Variants in CSTPP1 observed in about 807,000 individuals in gnomAD.
CSTPP1 encodes centriolar satellite-associated tubulin polyglutamylase complex regulator 1.
At chr11:47,153,988 G>C in the CSTPP1 span, among the ~76,000 whole-genome samples, 1 of 151,724 alleles carries the variant, frequency 6.6e-6, no homozygotes, top group Non-Finnish European at 1.5e-5. Flanking sequence ...CTCACGGGCT[G>C]GAGTGCAGTG....
At chr11:47,014,638 G>C in the CSTPP1 span, among the ~76,000 whole-genome samples, 2 of 151,976 alleles carry the variant, frequency 1.3e-5, no homozygotes, top group South Asian at 4.2e-4. Context: ...CCGGGAGGCA[G>C]AGGTTGTGGT....
At chr11:47,115,780 T>C in the CSTPP1 span, among the ~76,000 whole-genome samples, 1 of 152,028 alleles carries the variant, frequency 6.6e-6, no homozygotes, top group Non-Finnish European at 1.5e-5. Context: ...CCTGGATTCA[T>C]TGATTTTTTT....
At chr11:46,968,725 C>T in the CSTPP1 span, among the ~76,000 whole-genome samples, 1 of 151,574 alleles carries the variant, frequency 6.6e-6, no homozygotes. Context: ...ATGGTGACAC[C>T]CCGTCTCTAC....
At chr11:47,097,080 G>A in the CSTPP1 span, among the ~76,000 whole-genome samples, 7 of 143,988 alleles carry the variant, frequency 4.9e-5, no homozygotes, top group Non-Finnish European at 7.8e-5. Context: ...CCGGCCAGCC[G>A]CCCCGTCCGG....
At chr11:47,063,046 TC>T in the CSTPP1 span, among the ~76,000 whole-genome samples, 1 of 152,200 alleles carries the variant, frequency 6.6e-6, no homozygotes, top group African/African-American at 2.4e-5. Flanking sequence ...TGCTAGAGCT[TC>T]TTGGTCCATT....
At chr11:47,139,428 C>A in the CSTPP1 span, among the ~76,000 whole-genome samples, 1 of 152,114 alleles carries the variant, frequency 6.6e-6, no homozygotes, top group Non-Finnish European at 1.5e-5. Context: ...AATCCCAGCA[C>A]TTTGGGAGGC....
At chr11:47,098,314 AT>A in the CSTPP1 span, among the ~76,000 whole-genome samples, 1 of 149,538 alleles carries the variant, frequency 6.7e-6, no homozygotes, top group Non-Finnish European at 1.5e-5. Flanking sequence ...AAAAAAATAA[AT>A]TTAAAAAAAA....
the CSTPP1 span, among the ~76,000 whole-genome samples, chr11:46,988,445 T>C: frequency 6.6e-6 from 1 of 152,038 alleles, no homozygotes; most frequent in Admixed American, 6.6e-5. Flanking sequence ...TTATGTTAAG[T>C]GAAATAAGCC....
At chr11:47,017,442 G>A in the CSTPP1 span, among the ~76,000 whole-genome samples, 1 of 152,022 alleles carries the variant, frequency 6.6e-6, no homozygotes, top group Non-Finnish European at 1.5e-5. Flanking sequence ...CAAAGTGCTG[G>A]GATTACAGGC....
At chr11:47,157,117 C>A in the CSTPP1 span, 2 of 1,614,168 alleles carry the variant, frequency 1.2e-6, no homozygotes, top group Non-Finnish European at 1.7e-6. Context: ...GTGGGCAGCA[C>A]CGCCAACGAC....
the CSTPP1 span, chr11:46,936,879 G>A: frequency 6.4e-7 from 1 of 1,551,776 alleles, no homozygotes; most frequent in South Asian, 1.2e-5. Context: ...CTTTGGGGAG[G>A]GAAAGACGTG....
the CSTPP1 span, among the ~76,000 whole-genome samples, chr11:47,017,928 A>G: frequency 6.6e-6 from 1 of 152,160 alleles, no homozygotes; most frequent in African/African-American, 2.4e-5. Flanking sequence ...TTGGCCTCCC[A>G]AAGTGTTGGT....
the CSTPP1 span, chr11:47,164,210 G>A: frequency 7.4e-6 from 12 of 1,613,716 alleles, no homozygotes; most frequent in South Asian, 2.2e-5. Context: ...CCTCAGCTTC[G>A]GTACCGACGC....
At chr11:46,954,169 T>A in the CSTPP1 span, among the ~76,000 whole-genome samples, 1 of 151,964 alleles carries the variant, frequency 6.6e-6, no homozygotes, top group Non-Finnish European at 1.5e-5. Context: ...AAAGAAAAAA[T>A]ACAAAAGCAT....
the CSTPP1 span, chr11:47,154,855 C>T: frequency 2.2e-6 from 1 of 450,942 alleles, no homozygotes; most frequent in South Asian, 3.9e-5. Flanking sequence ...ACAGTTGCAC[C>T]CTCTCCTCGC....
the CSTPP1 span, among the ~76,000 whole-genome samples, chr11:47,116,228 A>C: frequency 6.6e-6 from 1 of 152,164 alleles, no homozygotes; most frequent in African/African-American, 2.4e-5. Context: ...GGAGTGCTTT[A>C]CTTCCAATTA....
the CSTPP1 span, among the ~76,000 whole-genome samples, chr11:46,976,393 T>TCACACACA: frequency 4.7e-5 from 7 of 148,810 alleles, no homozygotes; most frequent in East Asian, 1.0e-3. Context: ...TAGGTTTCAG[T>TCACACACA]CACACACACA....
chr11:47,157,048 C>T, the CSTPP1 span: 1 of 1,614,152 alleles, frequency 6.2e-7, no homozygotes, highest in Non-Finnish European at 8.5e-7. Context: ...TGGCTGCCAT[C>T]TATGAGGACC....
chr11:47,157,726 G>C, the CSTPP1 span: 1 of 1,330,578 alleles, frequency 7.5e-7, no homozygotes, highest in Non-Finnish European at 1.1e-6. Flanking sequence ...TGGCTTGGCT[G>C]TGGGTATCCT....
Sources: allele counts gnomAD v4.1 joint callset (sites outside exome capture counted in the v4.1 genomes callset), GRCh38; gene constraint gnomAD v4.1.1; transcripts MANE v1.5; gene names NCBI Gene and HGNC (gene_info 2026-07-23, HGNC 2026-07-21).